CAST: variants seen among roughly 807,000 people sequenced by gnomAD.
The protein encoded by CAST is calpastatin, also known as MIR583 host.
A neutral mutation model predicts 119.6 loss-of-function variants in CAST; 76 were observed. The ratio of observed to expected loss-of-function variants is 0.64; its 90% CI spans 0.53 to 0.77. The LOEUF is 0.77. Among genes scored for constraint, CAST ranks in the 30% least tolerant of loss-of-function variants. The pLI is 0.00. For synonymous variants in CAST, 319 were observed against 331.6 expected (o/e 0.96, Z 0.41); for missense variants, 953 against 946.5 (o/e 1.01, Z -0.09).
chr5:96,367,470 A>G, the CAST span, among the ~76,000 whole-genome samples: 1 of 151,054 alleles, frequency 6.6e-6, no homozygotes, highest in Non-Finnish European at 1.5e-5. Flanking sequence ...AGCGGGTTCC[A>G]CCCAGTTCGA....
the CAST span, among the ~76,000 whole-genome samples, chr5:96,473,793 G>T: frequency 0.71 from 107,274 of 151,994 alleles, 38,415 homozygotes; most frequent in African/African-American, 0.81. Context: ...TGTACAAAAT[G>T]GGAGTTCTGT....
chr5:96,546,250 G>C (rs1408480479), intron 1 of CAST: 2 of 152,076 alleles, frequency 1.3e-5, no homozygotes, highest in Non-Finnish European at 2.9e-5. Flanking sequence ...AACATCCCAG[G>C]AGGCCAAAGT....
chr5:96,362,451 C>T, the CAST span, among the ~76,000 whole-genome samples: 2 of 152,246 alleles, frequency 1.3e-5, no homozygotes, highest in Non-Finnish European at 2.9e-5. Context: ...GTCCCACCAA[C>T]AGTGTAAAAG....
chr5:96,145,447 A>G, the CAST span, among the ~76,000 whole-genome samples: 3 of 152,232 alleles, frequency 2.0e-5, no homozygotes, highest in African/African-American at 7.2e-5. Context: ...TAGAAGACAA[A>G]GACTCAGATG....
At chr5:96,235,823 G>A in the CAST span, among the ~76,000 whole-genome samples, 90 of 152,116 alleles carry the variant, frequency 5.9e-4, no homozygotes, top group African/African-American at 1.9e-3. Flanking sequence ...CTCAGGAGCC[G>A]GAGCCTATTT....
At chr5:96,313,888 C>T in the CAST span, among the ~76,000 whole-genome samples, 5 of 152,006 alleles carry the variant, frequency 3.3e-5, no homozygotes, top group Admixed American at 2.6e-4. Flanking sequence ...TGAAAAACAT[C>T]AAATAATTGA....
chr5:96,748,580 A>G lies in CAST; in HGVS notation c.1395A>G (p.Lys465=). The change falls in exon 19 of 32, where the codon AAA becomes AAG. Residue 465 remains lysine, a synonymous_variant. Coordinates refer to ENST00000675179, the MANE Select transcript of CAST (RefSeq NM_001750.7). ...AAGATTTTGACCGGTCTGAATGTAA[A>G]GAGAAACCATCTAAGCCAACTGAAA... The part of the protein sequence containing the change: ...LSEDFDRSEC[K]EKPSKPTEKT... 1 of 1,564,130 alleles carries G rather than the reference A, an allele frequency of 6.4e-7. No individual in the cohort carries two copies. The highest frequency in any genetic ancestry group is 8.8e-7 in the Non-Finnish European group (1 of 1,134,704).
chr5:96,035,285 A>C, the CAST span, among the ~76,000 whole-genome samples: 9 of 150,318 alleles, frequency 6.0e-5, no homozygotes, highest in Admixed American at 4.0e-4. Context: ...CATTAATTAA[A>C]ATTTTTTTAA....
the CAST span, among the ~76,000 whole-genome samples, chr5:96,286,762 T>C: frequency 6.6e-6 from 1 of 152,206 alleles, no homozygotes; most frequent in African/African-American, 2.4e-5. Context: ...GAGGGTATTT[T>C]TTAAAATAAC....
the CAST span, among the ~76,000 whole-genome samples, chr5:96,454,253 T>A: frequency 1.4e-4 from 22 of 152,220 alleles, no homozygotes; most frequent in Non-Finnish European, 2.9e-4. Context: ...AAAGGTGTCA[T>A]CAGACCCATA....
At chr5:96,194,453 A>G in the CAST span, among the ~76,000 whole-genome samples, 1 of 152,160 alleles carries the variant, frequency 6.6e-6, no homozygotes, top group Non-Finnish European at 1.5e-5. Context: ...GAAGAAGCAG[A>G]GGTAGAATTA....
the CAST span, among the ~76,000 whole-genome samples, chr5:96,385,145 A>G: frequency 6.6e-6 from 1 of 152,208 alleles, no homozygotes; most frequent in Non-Finnish European, 1.5e-5. Flanking sequence ...TGAGCCACAC[A>G]TGAGTTCATG....
At chr5:96,196,694 CAAG>C in the CAST span, among the ~76,000 whole-genome samples, 8 of 152,096 alleles carry the variant, frequency 5.3e-5, no homozygotes, top group African/African-American at 1.9e-4. Flanking sequence ...AGTGGGGATA[CAAG>C]ATGAGGTCAA....
the CAST span, among the ~76,000 whole-genome samples, chr5:96,204,377 A>G: frequency 6.6e-6 from 1 of 152,012 alleles, no homozygotes; most frequent in East Asian, 1.9e-4. Context: ...AGGTGTCTAC[A>G]CTGATGCACA....
At chr5:96,764,316 C>T (rs1769042974) in intron 25 of CAST, among the ~76,000 whole-genome samples, 2 of 152,146 alleles carry the variant, frequency 1.3e-5, no homozygotes, top group Admixed American at 6.6e-5. Flanking sequence ...ATTCACATTT[C>T]ACGGCCAAGG....
the CAST span, among the ~76,000 whole-genome samples, chr5:96,027,644 A>T: frequency 2.0e-5 from 3 of 152,288 alleles, no homozygotes; most frequent in African/African-American, 4.8e-5. Flanking sequence ...GAATTTGCAA[A>T]CAAGAGATCA....
chr5:96,489,121 G>A, the CAST span, among the ~76,000 whole-genome samples: 1 of 152,212 alleles, frequency 6.6e-6, no homozygotes, highest in Non-Finnish European at 1.5e-5. Flanking sequence ...CACAGCACAT[G>A]CTCAGCCATC....
chr5:96,372,553 G>A, the CAST span, among the ~76,000 whole-genome samples: 4 of 152,162 alleles, frequency 2.6e-5, no homozygotes, highest in African/African-American at 9.7e-5. Context: ...GGTCATAAAT[G>A]TAATACCATG....
At chr5:96,588,001 G>T (rs1580836291) in intron 1 of CAST, among the ~76,000 whole-genome samples, 1 of 152,008 alleles carries the variant, frequency 6.6e-6, no homozygotes, top group East Asian at 1.9e-4. Flanking sequence ...TTTCCTTACT[G>T]GCACTCTAGC....
Sources: allele counts gnomAD v4.1 joint callset (sites outside exome capture counted in the v4.1 genomes callset), GRCh38; gene constraint gnomAD v4.1.1; transcripts MANE v1.5; gene names NCBI Gene and HGNC (gene_info 2026-07-23, HGNC 2026-07-21).